NOL8: variants seen among roughly 807,000 people sequenced by gnomAD.
NOL8 encodes the protein nucleolar protein Nop132.
Under a neutral mutation model 116.1 loss-of-function variants are expected in NOL8, and 93 were observed. The ratio of observed to expected loss-of-function variants is 0.80; its 90% confidence interval spans 0.68 to 0.95. NOL8 has a LOEUF of 0.95. NOL8 is among the 40% of genes least tolerant of loss of function. The pLI is 0.00. For missense variants in NOL8, 1,291 were observed against 1,382.8 expected (o/e 0.93, Z 1.05); for synonymous variants, 419 against 469.0 (o/e 0.89, Z 1.38).
chr9:92,305,797 G>A lies in NOL8; in HGVS notation c.2859C>T (p.Asp953=), dbSNP rs1587958231. 2 of 1,612,696 alleles carry A rather than the reference G, an allele frequency of 1.2e-6. No individual in the cohort carries two copies. The highest frequency in any genetic ancestry group is 2.2e-5 in the East Asian group (1 of 44,832). Residue 953 remains aspartate (D), a synonymous_variant, in exon 12 of 17, where the codon GAC becomes GAT. Transcript: ENST00000442668. ...CTCTTTTTCTTTCGTAAGTGGCATG[G>A]TCTTGCTTCGTTGGATCATAATGTA... is the stretch of plus-strand genomic sequence containing the variant. ...DIIHYDPTKQ[D]HATYERKRDD... is the part of the protein sequence containing the mutation.
intron 13 of NOL8, among the ~76,000 whole-genome samples, chr9:92,301,011 A>C (rs549184920): frequency 6.6e-6 from 1 of 152,204 alleles, no homozygotes; most frequent in Admixed American, 6.5e-5. Context: ...CCTGTGGCCC[A>C]TGTTGGCCTT....
At chr9:92,316,243 CCT>C in intron 6 of NOL8, 105 bp from the exon 7 acceptor site, 2 of 1,240,094 alleles carry the variant, frequency 1.6e-6, no homozygotes, top group South Asian at 1.6e-5. Flanking sequence ...ATTTCCCCCC[CCT>C]TTCAGTTTCC....
chr9:92,324,258 A>G, intron 1 of NOL8, 49 bp from the exon 2 acceptor site: 1 of 1,296,768 alleles, frequency 7.7e-7, no homozygotes, highest in Non-Finnish European at 1.1e-6. Context: ...AAATCTAACA[A>G]AACAACTACT....
Position 92,310,669 on chromosome 9 carries a change from T to C in NOL8, c.2479A>G (p.Met827Val), listed in dbSNP as rs754169509. ...HPGEEWVKES[M>V]GKTSGKLFDS... Reference sequence around the variant, plus strand: ...AACAGCTTCCCTGATGTTTTACCCATAGACTCCTGTGAAGAAACACAACAT... The same window carrying C: ...AACAGCTTCCCTGATGTTTTACCCACAGACTCCTGTGAAGAAACACAACAT... The change falls in exon 9 of 17, where the codon ATG (methionine) becomes GTG (valine). Residue 827 changes from methionine (M) to valine (V), a missense_variant. Met to Val is a conservative substitution (Grantham distance 21). Coordinates refer to ENST00000442668, the MANE Select transcript of NOL8 (RefSeq NM_017948.6). 15 of 1,603,818 alleles carry C rather than the reference T, an allele frequency of 9.4e-6. No individual in the cohort carries two copies. In the East Asian group the frequency reaches 2.7e-4, roughly 29 times the overall value.
In NOL8 at chr9:92,298,291, T is replaced by G. The variant is rs1837421280; in HGVS notation, c.3419A>C (p.Asn1140Thr). Residue 1140 changes from asparagine (N) to threonine (T), a missense_variant, in exon 16 of 17, where the codon AAC (asparagine) becomes ACC (threonine). Physicochemically the swap from Asn to Thr is moderately conservative, Grantham distance 65. Transcript: ENST00000442668. ...GTTGGTTGTTCTGGCCTCCCAAGAG[T>G]TCCTGCTCATATTACTTCCTACTCC... The part of the protein sequence containing the change: ...WRGVGSNMSR[N>T]SWEARTTNLR... The G allele has an allele frequency of 6.2e-7, 1 of 1,609,246 alleles. No individual in the cohort carries two copies. The highest frequency in any genetic ancestry group is 8.5e-7 in the Non-Finnish European group (1 of 1,177,952).
chr9:92,297,747 TTTC>T lies in NOL8; in HGVS notation c.*86_*88del. On this transcript the variant is annotated 3_prime_UTR_variant, in exon 17 of 17. Transcript: ENST00000442668. ...TTTTTAAAATTCCTTCACTCTGAAA[TTTC>T]TTCTTTGTCAGCTAAAACTGTTTTC... The T allele has an allele frequency of 2.0e-6, 2 of 979,390 alleles. No individual in the cohort carries two copies. The highest frequency in any genetic ancestry group is 1.7e-5 in the South Asian group (1 of 59,430). 60.7% of individuals were successfully genotyped at this position (979,390 alleles called of 1,614,324 possible).
chr9:92,316,035 C>T lies in NOL8; in HGVS notation c.590G>A (p.Gly197Glu). The T allele has an allele frequency of 2.5e-6, 4 of 1,613,986 alleles. No homozygotes were observed. Among genetic ancestry groups the T allele is most frequent in the Non-Finnish European group, 3.4e-6 (4 of 1,179,902 alleles). ...PISSLTWELE[G>E]GNDPMSKKRR... ...TTTCTTACTCATAGGGTCATTCCCT[C>T]CTTCTAATTCCCAAGTCAGGCTGGA... The change falls in exon 7 of 17, where the codon GGA (glycine) becomes GAA (glutamate). Residue 197 changes from glycine (G) to glutamate (E), a missense_variant. Transcript: ENST00000442668.
Position 92,315,135 on chromosome 9 carries a change from C to T in NOL8, c.1490G>A (p.Ser497Asn). 1 of 1,613,996 alleles carries T rather than the reference C, an allele frequency of 6.2e-7. No individual in the cohort carries two copies. Among genetic ancestry groups the T allele is most frequent in the Non-Finnish European group, 8.5e-7 (1 of 1,179,896 alleles). The stretch of plus-strand genomic sequence containing the variant: ...ATCTTCATTTGGAACCTTCAGATCA[C>T]TGCCAGCCAATTGTTCCAAATCAGC... ...TLADLEQLAG[S>N]DLKVPNEDTK... is the part of the protein sequence containing the mutation. Residue 497 changes from serine to asparagine, a missense_variant, in exon 7 of 17, where the codon AGT (serine) becomes AAT (asparagine). Physicochemically the swap from Ser to Asn is conservative, Grantham distance 46 (BLOSUM62 1). Coordinates refer to ENST00000442668, the MANE Select transcript of NOL8 (RefSeq NM_017948.6).
chr9:92,299,769 TAAAA>T, intron 14 of NOL8, 117 bp downstream of exon 14: 5 of 1,064,636 alleles, frequency 4.7e-6, no homozygotes, highest in South Asian at 1.7e-5. Flanking sequence ...AAAAATAAAA[TAAAA>T]AAAGAAGCTA....
In NOL8 at chr9:92,314,818, TG is replaced by T. The variant is rs1268843380; in HGVS notation, c.1806del (p.Met603Ter). The T allele has an allele frequency of 3.7e-6, 6 of 1,613,502 alleles. No individual in the cohort carries two copies. Among genetic ancestry groups the T allele is most frequent in the Non-Finnish European group, 5.1e-6 (6 of 1,179,710 alleles). Reference protein sequence around the residue: ...SVASNNKDQNSMKHEDPSIIS... With the variant: ...SVASNNKDQNXMKHEDPSIIS... ...ATGATACTGGGATCCTCATGTTTCATGGAATTCTGATCTTTATTGTTAGAGG... is the reference window on the plus strand; with the variant it reads ...ATGATACTGGGATCCTCATGTTTCATGAATTCTGATCTTTATTGTTAGAGG... On this transcript the variant is annotated frameshift_variant, in exon 7 of 17. Coordinates refer to ENST00000442668, the MANE Select transcript of NOL8 (RefSeq NM_017948.6). LOFTEE classifies it high-confidence loss of function.
At chr9:92,313,313 A>C (rs1839025969) in intron 7 of NOL8, among the ~76,000 whole-genome samples, 2 of 152,170 alleles carry the variant, frequency 1.3e-5, no homozygotes, top group South Asian at 4.1e-4. Context: ...CATGGTCTGA[A>C]GGATCTCTCC....
chr9:92,307,079 T>C, intron 10 of NOL8, 55 bp from the exon 11 acceptor site: 1 of 1,537,546 alleles, frequency 6.5e-7, no homozygotes, highest in Non-Finnish European at 8.8e-7. Flanking sequence ...CTGAGAAGTC[T>C]CAATCATCAA....
At position 92,299,899 on chromosome 9, in the gene NOL8, G is replaced by C. The variant is rs780390620; in HGVS notation, c.3293C>G (p.Ser1098Cys). Residue 1098 changes from serine (S) to cysteine (C), a missense_variant, in exon 14 of 17, where the codon TCC (serine) becomes TGC (cysteine). Transcript: ENST00000442668. Reference protein sequence around the residue: ...DVTEETDHRNSSPGEASLLEK... With the variant: ...DVTEETDHRNCSPGEASLLEK... The stretch of plus-strand genomic sequence containing the variant: ...GAAACAAATTGTTTACCCAGGACTG[G>C]AGTTTCTGTGATCTGTTTCTTCAGT... 5 of 1,613,404 alleles carry C rather than the reference G, an allele frequency of 3.1e-6. No individual in the cohort carries two copies. Among genetic ancestry groups the C allele is most frequent in the Non-Finnish European group, 4.2e-6 (5 of 1,179,546 alleles).
At position 92,314,243 on chromosome 9, in the gene NOL8, T is replaced by C. The variant is rs574528716; in HGVS notation, c.2358+24A>G. The C allele has an allele frequency of 2.7e-5, 42 of 1,529,994 alleles. No homozygotes were observed. In the South Asian group the frequency reaches 5.1e-4, roughly 19 times the overall value. 94.8% of individuals were successfully genotyped at this position (1,529,994 alleles called of 1,614,324 possible). A position where few individuals can be genotyped will look rare whatever the true frequency, so the allele number is the denominator to read the frequency against. ...CTGAACTTTCTGAGTTCTTGTTAAATCCATACATTGAAAATATACTCACCA... is the reference window on the plus strand; with the variant it reads ...CTGAACTTTCTGAGTTCTTGTTAAACCCATACATTGAAAATATACTCACCA... On this transcript the variant is annotated intron_variant, in intron 7 of 16. Coordinates refer to ENST00000442668, the MANE Select transcript of NOL8 (RefSeq NM_017948.6).
At position 92,315,721 on chromosome 9, in the gene NOL8, T is replaced by C. The variant is rs1554743931; in HGVS notation, c.904A>G (p.Thr302Ala). The C allele has an allele frequency of 6.2e-7, 1 of 1,613,050 alleles. No individual in the cohort carries two copies. Among genetic ancestry groups the C allele is most frequent in the Non-Finnish European group, 8.5e-7 (1 of 1,179,350 alleles). Residue 302 changes from threonine to alanine, a missense_variant, in exon 7 of 17, where the codon ACT becomes GCT. Transcript: ENST00000442668. Reference sequence around the variant, plus strand: ...ATTCTCAATTCATCTTCAGAATCAGTATCATCATCAGAAATGCTGTTTCTC... The same window carrying C: ...ATTCTCAATTCATCTTCAGAATCAGCATCATCATCAGAAATGCTGTTTCTC... ...KKRNSISDDDTDSEDELRMMI... is the reference protein window; with the variant it reads ...KKRNSISDDDADSEDELRMMI...
At chr9:92,317,959 C>T (rs1384835868) in intron 6 of NOL8, among the ~76,000 whole-genome samples, 7 of 141,412 alleles carry the variant, frequency 5.0e-5, no homozygotes, top group African/African-American at 1.6e-4. Context: ...TGCTTGAACC[C>T]AGGAGGCAGA....
At chr9:92,324,916 T>C (rs1014535370) in intron 1 of NOL8, 3 of 152,222 alleles carry the variant, frequency 2.0e-5, no homozygotes, top group Admixed American at 6.5e-5. Flanking sequence ...CGAAAATTAG[T>C]GAATCCAGGA....
intron 15 of NOL8, chr9:92,298,676 C>T: frequency 2.1e-6 from 1 of 474,054 alleles, no homozygotes; most frequent in Non-Finnish European, 3.7e-6. Flanking sequence ...ACAAAACAAC[C>T]CTTTGTTGAT....
At chr9:92,307,362 A>AT (rs1202818014) in intron 10 of NOL8, among the ~76,000 whole-genome samples, 11 of 151,940 alleles carry the variant, frequency 7.2e-5, no homozygotes, top group African/African-American at 2.2e-4. Flanking sequence ...AGACTCTTTG[A>AT]TTTTTTTAAC....
Sources: allele counts gnomAD v4.1 joint callset (sites outside exome capture counted in the v4.1 genomes callset), GRCh38; gene constraint gnomAD v4.1.1; transcripts MANE v1.5; gene names NCBI Gene and HGNC (gene_info 2026-07-23, HGNC 2026-07-21).